RSPO4: variants seen among roughly 807,000 people sequenced by gnomAD.
The protein encoded by RSPO4 is R-spondin 4.
Under a neutral mutation model 24.8 loss-of-function variants are expected in RSPO4, and 23 were observed. The ratio of observed to expected loss-of-function variants is 0.93; its 90% CI spans 0.67 to 1.31. RSPO4 has a LOEUF of 1.31. Among genes scored for constraint, RSPO4 ranks in the 40% most tolerant of loss-of-function variants. The pLI is 0.00. For synonymous variants in RSPO4, 141 were observed against 127.4 expected, an observed-to-expected ratio of 1.11 and a Z score of -0.72; for missense variants, 333 against 316.5, an observed-to-expected ratio of 1.05 and a Z score of -0.39.
intron 3 of RSPO4, among the ~76,000 whole-genome samples, chr20:964,731 T>TACAC (rs756647472): frequency 1.4e-5 from 2 of 148,010 alleles, no homozygotes; most frequent in African/African-American, 5.1e-5. Flanking sequence ...CACATATATA[T>TACAC]ACACACACAC....
At chr20:991,647 G>A (rs977318528) in intron 1 of RSPO4, among the ~76,000 whole-genome samples, 4 of 151,124 alleles carry the variant, frequency 2.6e-5, no homozygotes, top group Admixed American at 6.6e-5. Context: ...ATTCAAAAAC[G>A]AAATTAAGTA....
intron 1 of RSPO4, among the ~76,000 whole-genome samples, chr20:980,952 G>C (rs865931927): frequency 3.1e-4 from 47 of 152,190 alleles, no homozygotes; most frequent in African/African-American, 1.1e-3. Flanking sequence ...TTAACTCAGG[G>C]ATCTTGGGTT....
At chr20:975,928 A>C (rs1450099620) in intron 1 of RSPO4, among the ~76,000 whole-genome samples, 13 of 152,232 alleles carry the variant, frequency 8.5e-5, no homozygotes, top group Non-Finnish European at 1.9e-4. Flanking sequence ...CACCTGCAGC[A>C]GGCATCTGAT....
intron 1 of RSPO4, among the ~76,000 whole-genome samples, chr20:990,055 T>C (rs991735686): frequency 6.6e-6 from 1 of 151,944 alleles, no homozygotes. Context: ...CTCGGAGAGG[T>C]AAAGGGCTTG....
At chr20:978,211 A>G (rs1286359444) in intron 1 of RSPO4, among the ~76,000 whole-genome samples, 1 of 152,154 alleles carries the variant, frequency 6.6e-6, no homozygotes, top group Non-Finnish European at 1.5e-5. Context: ...ACAAACCACC[A>G]CTTCCTAGCT....
intron 1 of RSPO4, among the ~76,000 whole-genome samples, chr20:971,565 A>G (rs1480832931): frequency 1.3e-5 from 2 of 152,252 alleles, no homozygotes; most frequent in African/African-American, 4.8e-5. Context: ...TACAGTTATC[A>G]TTGTGGGCAC....
At chr20:988,933 G>A (rs1419427593) in intron 1 of RSPO4, among the ~76,000 whole-genome samples, 1 of 152,106 alleles carries the variant, frequency 6.6e-6, no homozygotes, top group Non-Finnish European at 1.5e-5. Flanking sequence ...GCCCCAAATC[G>A]CTTCTGCCTC....
rs542905102 is a variant in RSPO4, at chr20:967,025, C to T, written c.409+149G>A. ...GTTTTGCAGTTACTATGTGGAGGTA[C>T]CCAGTGTACCTGACATGGTGGTGCT... On this transcript the variant is annotated intron_variant, in intron 3 of 4. Coordinates refer to ENST00000217260, the MANE Select transcript of RSPO4 (RefSeq NM_001029871.4). 1.1e-5 allele frequency: 8 copies of T among 709,356 alleles called. 1 individual carries two copies. The highest frequency in any genetic ancestry group is 1.6e-5 in the Non-Finnish European group (7 of 432,230). 43.9% of individuals were successfully genotyped at this position (709,356 alleles called of 1,614,324 possible). A position where few individuals can be genotyped will look rare whatever the true frequency, so the allele number is the denominator to read the frequency against.
Position 967,194 on chromosome 20 carries a change from TGGTGGGCCAAAGTGCCCGGCGGGCA to T in RSPO4, c.364_388del (p.Cys122ArgfsTer96), listed in dbSNP as rs921229868. ...CTCACCCTGGCACTCCCGTGTGTTC[TGGTGGGCCAAAGTGCCCGGCGGGCA>T]GGTGGGCAGACACTTCCCCTTGTAC... On this transcript the variant is annotated frameshift_variant, in exon 3 of 5. Transcript: ENST00000217260. LOFTEE classifies it high-confidence loss of function. 1.9e-6 allele frequency: 3 copies of T among 1,613,990 alleles called. No individual in the cohort carries two copies. The highest frequency in any genetic ancestry group is 2.5e-6 in the Non-Finnish European group (3 of 1,180,008).
intron 4 of RSPO4, 105 bp from the exon 5 acceptor site, chr20:960,571 A>C: frequency 5.0e-6 from 4 of 806,384 alleles, no homozygotes; most frequent in East Asian, 2.7e-5. Flanking sequence ...ACTCCCCAAC[A>C]ACGGGGCTCA....
chr20:987,510 G>A (rs1449781426), intron 1 of RSPO4, among the ~76,000 whole-genome samples: 1 of 152,116 alleles, frequency 6.6e-6, no homozygotes, highest in African/African-American at 2.4e-5. Flanking sequence ...CACTGTCCAG[G>A]TGCGGTGGCT....
At chr20:1,000,807 C>T (rs999388819) in intron 1 of RSPO4, among the ~76,000 whole-genome samples, 2 of 152,168 alleles carry the variant, frequency 1.3e-5, no homozygotes, top group Non-Finnish European at 2.9e-5. Context: ...CCACACGCCT[C>T]TCTAGTCCCT....
chr20:971,637 C>T (rs1490896260), intron 1 of RSPO4, among the ~76,000 whole-genome samples: 1 of 152,116 alleles, frequency 6.6e-6, no homozygotes, highest in Non-Finnish European at 1.5e-5. Flanking sequence ...TAGTAAGAGC[C>T]ATTTATATAA....
chr20:971,432 T>C (rs1984404414), intron 1 of RSPO4, among the ~76,000 whole-genome samples: 1 of 152,228 alleles, frequency 6.6e-6, no homozygotes, highest in South Asian at 2.1e-4. Context: ...CATTATTTAA[T>C]AGCAAACAAC....
chr20:979,028 A>C (rs887504983), intron 1 of RSPO4, among the ~76,000 whole-genome samples: 2 of 151,896 alleles, frequency 1.3e-5, no homozygotes, highest in Non-Finnish European at 2.9e-5. Context: ...GTCAATGGCT[A>C]CTCCACTCAG....
chr20:999,326 T>C lies in RSPO4; in HGVS notation c.79+2760A>G, dbSNP rs118172044. On this transcript the variant is annotated intron_variant, in intron 1 of 4. Transcript: ENST00000217260. ...CATCGCACCTGGGTTACACTGTCTG[T>C]CTCCACCTCTTCAGCATGCTCTGAT... is the stretch of plus-strand genomic sequence containing the variant. 1.9e-3 allele frequency among the ~76,000 whole-genome samples: 293 copies of C among 152,262 alleles called. 6 individuals carry two copies. In the East Asian group the frequency reaches 0.045, roughly 24 times the overall value.
intron 1 of RSPO4, among the ~76,000 whole-genome samples, chr20:998,933 A>G (rs1011520896): frequency 4.6e-5 from 7 of 151,874 alleles, no homozygotes; most frequent in African/African-American, 1.5e-4. Context: ...GCCTTATGAG[A>G]AATGGTCTCT....
intron 3 of RSPO4, 27 bp downstream of exon 3, chr20:967,147 G>T: frequency 6.2e-7 from 1 of 1,608,188 alleles, no homozygotes; most frequent in Non-Finnish European, 8.5e-7. Flanking sequence ...GGAGGGGCAG[G>T]GGCAGGGCGG....
chr20:973,055 T>C (rs542398973), intron 1 of RSPO4, among the ~76,000 whole-genome samples: 1 of 152,342 alleles, frequency 6.6e-6, no homozygotes, highest in South Asian at 2.1e-4. Context: ...TGAAACGACA[T>C]GTCCAGGGTC....
Sources: allele counts gnomAD v4.1 joint callset (sites outside exome capture counted in the v4.1 genomes callset), GRCh38; gene constraint gnomAD v4.1.1; transcripts MANE v1.5; gene names NCBI Gene and HGNC (gene_info 2026-07-23, HGNC 2026-07-21).